The following REL variants were observed in gnomAD, a reference collection of about 807,000 sequenced individuals.
REL encodes the protein proto-oncogene c-Rel.
Under a neutral mutation model 45.9 loss-of-function variants are expected in REL, and 15 were observed. The observed-to-expected ratio is 0.33, with a 90% CI of 0.22 to 0.50. The LOEUF is 0.50. REL is among the 20% of genes least tolerant of loss of function. The pLI is 0.98. For synonymous variants in REL, 239 were observed against 242.1 expected (o/e 0.99, Z 0.12); for missense variants, 601 against 715.2 (o/e 0.84, Z 1.82).
intron 1 of REL, among the ~76,000 whole-genome samples, chr2:60,889,544 A>G (rs775385573): frequency 3.3e-5 from 5 of 152,006 alleles, no homozygotes; most frequent in Non-Finnish European, 7.4e-5. Context: ...TACATGTGCC[A>G]TGTTGGTGTG....
At chr2:60,886,766 G>C (rs565580482) in intron 1 of REL, among the ~76,000 whole-genome samples, 16 of 151,958 alleles carry the variant, frequency 1.1e-4, no homozygotes, top group Admixed American at 3.9e-4. Context: ...TATTTTAAAA[G>C]CTCATGCTTT....
rs757728369 is a variant in REL, at chr2:60,920,079, C to G, written c.892C>G (p.Leu298Val). ...GNKAKKQKTT[L>V]LFQKLCQDHV... ...TAAAGCAAAGAAACAAAAGACAACT[C>G]TGCTTTTCCAGAAACTGTGCCAGGA... Residue 298 changes from leucine (L) to valine (V), a missense_variant, in exon 8 of 10, where the codon CTG becomes GTG. By Grantham distance (32) the Leu-to-Val change is conservative. Coordinates refer to ENST00000394479, the MANE Select transcript of REL (RefSeq NM_001291746.2). 9.3e-6 allele frequency: 15 copies of G among 1,612,084 alleles called. No individual in the cohort carries two copies. The African/African-American group carries it at 1.7e-4, about 19-fold the overall frequency.
intron 4 of REL, among the ~76,000 whole-genome samples, chr2:60,902,561 G>C (rs890518716): frequency 8.0e-6 from 1 of 125,144 alleles, no homozygotes; most frequent in Non-Finnish European, 1.7e-5. Flanking sequence ...ATATTTTATT[G>C]TTTGGGTAGA....
In REL at chr2:60,901,002, T is replaced by G; in HGVS notation, c.313T>G (p.Leu105Val). The G allele has an allele frequency of 6.2e-7, 1 of 1,605,406 alleles. No individual in the cohort carries two copies. Among genetic ancestry groups the G allele is most frequent in the Non-Finnish European group, 8.5e-7 (1 of 1,177,822 alleles). ...TTTTTTTCCTGCTAGTTTCCAAAAT[T>G]TGGGTATTCGATGTGTGAAGAAAAA... ...QERRPLFFQN[L>V]GIRCVKKKEV... The change falls in exon 4 of 10, where the codon TTG becomes GTG. Residue 105 changes from leucine to valine, a missense_variant. By Grantham distance (32) the Leu-to-Val change is conservative. Around this residue, in one of 4 missense-constraint regions of REL, gnomAD observed 241 missense variants for 347.0 expected, o/e 0.69. Coordinates refer to ENST00000394479, the MANE Select transcript of REL (RefSeq NM_001291746.2).
At chr2:60,887,998 G>T (rs1165190728) in intron 1 of REL, among the ~76,000 whole-genome samples, 1 of 151,404 alleles carries the variant, frequency 6.6e-6, no homozygotes, top group Non-Finnish European at 1.5e-5. Context: ...TACAATCTTG[G>T]CTCACTGCAG....
rs371959186 is a variant in REL at position 60,881,574 on chromosome 2, A to G, written c.-267A>G. 113 of 473,802 alleles carry G rather than the reference A, an allele frequency of 2.4e-4. No individual in the cohort carries two copies. The highest frequency in any genetic ancestry group is 1.9e-3 in the African/African-American group (95 of 48,826). 29.3% of individuals were successfully genotyped at this position (473,802 alleles called of 1,614,324 possible). ...CTGCTCGCCTCTCGGCTGGGCCAGC[A>G]CTCGGCTCTCCCCGCTCCGCCCCCT... is the stretch of plus-strand genomic sequence containing the variant. On this transcript the variant is annotated 5_prime_UTR_variant, in exon 1 of 10. Coordinates refer to ENST00000394479, the MANE Select transcript of REL (RefSeq NM_001291746.2).
chr2:60,913,523 G>C (rs1440265476), intron 4 of REL, among the ~76,000 whole-genome samples: 1 of 151,962 alleles, frequency 6.6e-6, no homozygotes, highest in Non-Finnish European at 1.5e-5. Flanking sequence ...TTACTCCTAG[G>C]GTATAGCTCT....
chr2:60,920,319 G>A, intron 8 of REL: 1 of 615,144 alleles, frequency 1.6e-6, no homozygotes, highest in Non-Finnish European at 2.9e-6. Context: ...TCCTGCCTCA[G>A]CCTCCCGGGT....
intron 5 of REL, 80 bp from the exon 6 acceptor site, chr2:60,918,111 T>C (rs1314616413): frequency 1.3e-6 from 1 of 796,242 alleles, no homozygotes; most frequent in Non-Finnish European, 2.0e-6. Flanking sequence ...TGAATGCTTT[T>C]CCTCAAATTC....
chr2:60,886,109 T>A (rs1446944741), intron 1 of REL, among the ~76,000 whole-genome samples: 1 of 152,252 alleles, frequency 6.6e-6, no homozygotes, highest in African/African-American at 2.4e-5. Flanking sequence ...CCACTTCATG[T>A]TTTAAGACAA....
chr2:60,889,336 CTAA>C (rs1673148631), intron 1 of REL, among the ~76,000 whole-genome samples: 1 of 152,102 alleles, frequency 6.6e-6, no homozygotes, highest in Non-Finnish European at 1.5e-5. Flanking sequence ...CTTCTGTAGT[CTAA>C]TAATATATGT....
intron 8 of REL, 73 bp downstream of exon 8, chr2:60,920,182 T>C (rs1229687700): frequency 1.7e-6 from 2 of 1,195,706 alleles, no homozygotes; most frequent in Admixed American, 2.2e-5. Flanking sequence ...TTTCAAATTT[T>C]ATTATTTTTG....
Position 60,922,391 on chromosome 2 carries a change from C to A in REL, c.1620C>A (p.Asn540Lys), listed in dbSNP as rs1203242849. 6.2e-7 allele frequency: 1 copy of A among 1,613,968 alleles called. No individual in the cohort carries two copies. Among genetic ancestry groups the A allele is most frequent in the East Asian group, 2.2e-5 (1 of 44,880 alleles). Residue 540 changes from asparagine to lysine, a missense_variant, in exon 10 of 10, where the codon AAC becomes AAA. Physicochemically the swap from Asn to Lys is moderately conservative, Grantham distance 94. Coordinates refer to ENST00000394479, the MANE Select transcript of REL (RefSeq NM_001291746.2). ...FEGSDFSCAD[N>K]SMINESGPSN... ...GATCTGACTTCAGTTGTGCAGATAACAGCATGATAAATGAGTCGGGACCAT... is the reference window on the plus strand; with the variant it reads ...GATCTGACTTCAGTTGTGCAGATAAAAGCATGATAAATGAGTCGGGACCAT...
In REL at chr2:60,886,964, C is replaced by T. The variant is rs1221527550; in HGVS notation, c.11-4719C>T. Among the ~76,000 whole-genome samples, 3 of 152,134 alleles carry T rather than the reference C, an allele frequency of 2.0e-5. No individual in the cohort carries two copies. In the East Asian group the frequency reaches 5.8e-4, roughly 29 times the overall value. On this transcript the variant is annotated intron_variant, in intron 1 of 9. Coordinates refer to ENST00000394479, the MANE Select transcript of REL (RefSeq NM_001291746.2). Reference sequence around the variant, plus strand: ...GCATAGTGTTGCTTAAAGAAAAATACAGTAATCAATTTGTTTAGAGTCAAT... The same window carrying T: ...GCATAGTGTTGCTTAAAGAAAAATATAGTAATCAATTTGTTTAGAGTCAAT...
At position 60,921,959 on chromosome 2, in the gene REL, G is replaced by C. The variant is rs1335557561; in HGVS notation, c.1188G>C (p.Leu396=). Residue 396 remains leucine (L), a synonymous_variant, in exon 10 of 10, where the codon CTG becomes CTC. Transcript: ENST00000394479. ...CACGCTCAGGCAATACAAACCCACT[G>C]AGTAGTTTTTCAACAAGGACACTTC... ...PTPRSGNTNP[L]SSFSTRTLPS... 6.2e-7 allele frequency: 1 copy of C among 1,614,124 alleles called. No homozygotes were observed. Among genetic ancestry groups the C allele is most frequent in the Non-Finnish European group, 8.5e-7 (1 of 1,180,018 alleles).
At chr2:60,918,644 G>A in intron 7 of REL, 38 bp downstream of exon 7, 1 of 1,365,338 alleles carries the variant, frequency 7.3e-7, no homozygotes, top group East Asian at 2.3e-5. Context: ...TATATTTCTT[G>A]AAGTGGTCCT....
At chr2:60,889,446 A>G (rs985224442) in intron 1 of REL, among the ~76,000 whole-genome samples, 1 of 152,172 alleles carries the variant, frequency 6.6e-6, no homozygotes, top group African/African-American at 2.4e-5. Context: ...ATCTGAAATA[A>G]TAGACACCAT....
At chr2:60,905,750 G>A (rs1673629146) in intron 4 of REL, among the ~76,000 whole-genome samples, 1 of 152,050 alleles carries the variant, frequency 6.6e-6, no homozygotes, top group South Asian at 2.1e-4. Context: ...AAATACACTT[G>A]GAAGAGGGCC....
chr2:60,917,680 C>G (rs940747336), intron 5 of REL, among the ~76,000 whole-genome samples: 2 of 142,254 alleles, frequency 1.4e-5, no homozygotes, highest in Admixed American at 7.1e-5. Flanking sequence ...CCCCAAAATA[C>G]TGTGTGTGTG....
Sources: gnomAD v4.1 joint callset for allele counts (sites outside exome capture counted in the v4.1 genomes callset) on GRCh38, gnomAD v4.1.1 for gene constraint, gnomAD v4.1.1 regional missense constraint, MANE v1.5 for transcripts, NCBI Gene and HGNC (gene_info 2026-07-23, HGNC 2026-07-21) for gene names.